The following FER variants were observed in gnomAD, a reference collection of about 807,000 sequenced individuals.
FER encodes tyrosine-protein kinase Fer.
In FER, 63 loss-of-function variants were observed where a neutral mutation model predicts 111.0. That is an observed-to-expected ratio of 0.57 (90% CI 0.46 to 0.70). FER has a LOEUF of 0.70. FER is among the 30% of genes least tolerant of loss of function. The pLI, the probability that FER is intolerant of heterozygous loss-of-function variation, is 0.00. For synonymous variants in FER, 327 were observed against 313.9 expected (o/e 1.04, Z -0.44); for missense variants, 914 against 954.0 (o/e 0.96, Z 0.55).
chr5:108,915,046 TG>T (rs1382752882), intron 10 of FER, among the ~76,000 whole-genome samples: 2 of 152,190 alleles, frequency 1.3e-5, no homozygotes, highest in Non-Finnish European at 2.9e-5. Flanking sequence ...GAAAGACACC[TG>T]GTTTCAGAAG....
At chr5:108,997,453 A>G (rs1402732052) in intron 13 of FER, among the ~76,000 whole-genome samples, 1 of 150,668 alleles carries the variant, frequency 6.6e-6, no homozygotes, top group Non-Finnish European at 1.5e-5. Flanking sequence ...GGCTGAGACG[A>G]TGGGGTTTTC....
intron 16 of FER, among the ~76,000 whole-genome samples, chr5:109,079,978 T>G (rs1296595311): frequency 6.6e-6 from 1 of 152,166 alleles, no homozygotes; most frequent in Non-Finnish European, 1.5e-5. Context: ...GATTTCACTA[T>G]GCTCTACATT....
intron 16 of FER, among the ~76,000 whole-genome samples, chr5:109,091,442 C>T (rs774713278): frequency 4.6e-5 from 7 of 152,182 alleles, no homozygotes; most frequent in Non-Finnish European, 1.0e-4. Context: ...TCTGTGAAAG[C>T]ATGGATGCCT....
intron 13 of FER, among the ~76,000 whole-genome samples, chr5:109,008,839 G>A (rs1043855754): frequency 5.3e-5 from 8 of 151,928 alleles, no homozygotes; most frequent in South Asian, 2.1e-4. Context: ...GCATGGTGGC[G>A]CATGCCTGTA....
chr5:108,874,964 C>A (rs1253230982), intron 8 of FER, among the ~76,000 whole-genome samples: 1 of 151,942 alleles, frequency 6.6e-6, no homozygotes, highest in African/African-American at 2.4e-5. Flanking sequence ...TATAATTTGG[C>A]AAATTATATT....
intron 16 of FER, among the ~76,000 whole-genome samples, 178 bp from the exon 17 acceptor site, chr5:109,100,218 A>G (rs1748062026): frequency 6.6e-6 from 1 of 151,752 alleles, no homozygotes; most frequent in Admixed American, 6.6e-5. Context: ...TCTGTTTTCT[A>G]ATATGTTGTG....
intron 16 of FER, among the ~76,000 whole-genome samples, chr5:109,100,027 CATAAT>C (rs1561893838): frequency 2.0e-5 from 3 of 151,590 alleles, no homozygotes; most frequent in Admixed American, 6.6e-5. Flanking sequence ...ATATTTGACT[CATAAT>C]AATATAGTTT....
intron 9 of FER, chr5:108,894,563 C>T (rs551579815): frequency 2.4e-6 from 1 of 408,896 alleles, no homozygotes; most frequent in East Asian, 5.7e-5. Context: ...CACAGATGCT[C>T]AGGTCATTCT....
chr5:109,095,206 T>G (rs1747348008), intron 16 of FER, among the ~76,000 whole-genome samples: 2 of 152,130 alleles, frequency 1.3e-5, no homozygotes, highest in African/African-American at 4.8e-5. Flanking sequence ...GCTCTGCATT[T>G]GGTCTAGCTG....
At chr5:108,829,109 C>G (rs144782629) in intron 3 of FER, among the ~76,000 whole-genome samples, 78 of 152,254 alleles carry the variant, frequency 5.1e-4, no homozygotes, top group African/African-American at 1.8e-3. Context: ...TTGTTAAGCA[C>G]CTATTAACAT....
At chr5:108,874,671 A>G (rs182010604) in intron 8 of FER, among the ~76,000 whole-genome samples, 5 of 151,812 alleles carry the variant, frequency 3.3e-5, no homozygotes, top group Admixed American at 3.3e-4. Context: ...TCTTTCCTGA[A>G]GGCATTAATA....
chr5:109,137,269 G>T (rs1363260823), intron 17 of FER, among the ~76,000 whole-genome samples: 3 of 152,132 alleles, frequency 2.0e-5, no homozygotes, highest in Non-Finnish European at 4.4e-5. Context: ...GAAGAAAAAA[G>T]GATGGACAAG....
intron 13 of FER, among the ~76,000 whole-genome samples, chr5:109,009,942 T>C (rs1424828213): frequency 6.6e-6 from 1 of 152,156 alleles, no homozygotes; most frequent in Non-Finnish European, 1.5e-5. Context: ...GGTCTAAATT[T>C]TGTAATTTCC....
chr5:109,125,225 C>T (rs1028970248), intron 17 of FER, among the ~76,000 whole-genome samples: 1 of 151,808 alleles, frequency 6.6e-6, no homozygotes, highest in African/African-American at 2.4e-5. Context: ...TACATTAGAA[C>T]TCTTTACATA....
intron 13 of FER, among the ~76,000 whole-genome samples, chr5:108,967,593 C>G (rs56238721): frequency 6.8e-4 from 103 of 151,910 alleles, no homozygotes; most frequent in Non-Finnish European, 8.8e-4. Context: ...GAAACCCTCT[C>G]TACTAAAAAT....
rs755337340 is a variant in FER, at chr5:109,035,874, G to A, written c.1657-1548G>A. ...AATGGGTACGAAGTAATGAAGTATC[G>A]TCTTATTGTGATTTGTATTTGTATA... On this transcript the variant is annotated intron_variant, in intron 13 of 19. Transcript: ENST00000281092. Among the ~76,000 whole-genome samples, 79 of 152,170 alleles carry A rather than the reference G, an allele frequency of 5.2e-4. 1 individual carries two copies. Among genetic ancestry groups the A allele is most frequent in the African/African-American group, 1.4e-3 (57 of 41,540 alleles).
At chr5:109,104,082 G>T (rs559781562) in intron 17 of FER, among the ~76,000 whole-genome samples, 1 of 152,248 alleles carries the variant, frequency 6.6e-6, no homozygotes, top group African/African-American at 2.4e-5. Flanking sequence ...TTTTGGAGGG[G>T]TTAGGTAGAA....
intron 10 of FER, among the ~76,000 whole-genome samples, chr5:108,938,290 T>C (rs935533942): frequency 6.6e-6 from 1 of 151,938 alleles, no homozygotes; most frequent in African/African-American, 2.4e-5. Context: ...TTTATAGCTT[T>C]GAAAAAACAA....
chr5:108,766,016 A>C (rs1187669390), intron 1 of FER, among the ~76,000 whole-genome samples: 1 of 152,036 alleles, frequency 6.6e-6, no homozygotes, highest in Non-Finnish European at 1.5e-5. Flanking sequence ...TGCAACCTCA[A>C]ATTCCTGGGC....
Sources: allele counts gnomAD v4.1 joint callset (sites outside exome capture counted in the v4.1 genomes callset), GRCh38; gene constraint gnomAD v4.1.1; transcripts MANE v1.5; gene names NCBI Gene and HGNC (gene_info 2026-07-23, HGNC 2026-07-21).